MACROD2: variants seen among roughly 807,000 people sequenced by gnomAD.
MACROD2 encodes the protein mono-ADP ribosylhydrolase 2.
In MACROD2, 36 loss-of-function variants were observed where a neutral mutation model predicts 70.4. That is an observed-to-expected ratio of 0.51 (90% CI 0.39 to 0.68). The LOEUF (loss-of-function observed/expected upper bound fraction) is 0.68, where lower values mean the gene tolerates loss of function less well. Among genes scored for constraint, MACROD2 ranks in the 30% least tolerant of loss-of-function variants. The pLI is 0.00. For synonymous variants in MACROD2, 172 were observed against 178.8 expected (o/e 0.96, Z 0.30); for missense variants, 496 against 538.4 (o/e 0.92, Z 0.78).
chr20:15,307,251 C>G (rs1023632803), intron 6 of MACROD2, among the ~76,000 whole-genome samples: 1 of 152,020 alleles, frequency 6.6e-6, no homozygotes, highest in Non-Finnish European at 1.5e-5. Flanking sequence ...GTAGGGAAAG[C>G]TTTGGACTCT....
At chr20:14,066,022 T>A (rs946091877) in intron 2 of MACROD2, among the ~76,000 whole-genome samples, 2 of 152,350 alleles carry the variant, frequency 1.3e-5, no homozygotes, top group South Asian at 4.1e-4. Context: ...CAAAGGTCTT[T>A]TGCAAAAGTT....
chr20:15,600,647 T>A (rs1236153370), intron 8 of MACROD2, among the ~76,000 whole-genome samples: 1 of 152,170 alleles, frequency 6.6e-6, no homozygotes, highest in Non-Finnish European at 1.5e-5. Context: ...GCAAAAAGCC[T>A]GGGGAGGAAG....
intron 5 of MACROD2, among the ~76,000 whole-genome samples, chr20:14,791,311 G>GT (rs1397795598): frequency 2.6e-5 from 4 of 152,090 alleles, no homozygotes; most frequent in Non-Finnish European, 5.9e-5. Context: ...AACGATCCCT[G>GT]TGTCTGCAGA....
chr20:14,082,554 C>G (rs1166857174), intron 2 of MACROD2, among the ~76,000 whole-genome samples: 2 of 152,032 alleles, frequency 1.3e-5, no homozygotes, highest in Non-Finnish European at 2.9e-5. Context: ...CTTATTGTCT[C>G]ATATGTTTAA....
chr20:14,814,548 G>A (rs2072751844), intron 5 of MACROD2, among the ~76,000 whole-genome samples: 1 of 152,032 alleles, frequency 6.6e-6, no homozygotes. Flanking sequence ...TTTGTAATAA[G>A]AGATGTAAAT....
rs11473589 is a variant in MACROD2, at chr20:15,006,141, ATGTGTGTG to A, written c.419-223765_419-223758del. 2.0e-3 allele frequency among the ~76,000 whole-genome samples: 271 copies of A among 134,358 alleles called. 2 individuals carry two copies. The highest frequency in any genetic ancestry group is 1.9e-3 in the Admixed American group (25 of 13,078). The allele number at this position is 134,358 out of a possible 152,430, so 88.1% of individuals were successfully genotyped here. A position where few individuals can be genotyped will look rare whatever the true frequency, so the allele number is the denominator to read the frequency against. On this transcript the variant is annotated intron_variant, in intron 5 of 17. Transcript: ENST00000684519. Reference sequence around the variant, plus strand: ...CAAAGAATGCATTTTATATATATATATGTGTGTGTGTGTGTGTGTGTGTGTGTGTGTGT... The same window carrying A: ...CAAAGAATGCATTTTATATATATATATGTGTGTGTGTGTGTGTGTGTGTGT...
At chr20:14,540,767 G>A (rs2085422621) in intron 4 of MACROD2, among the ~76,000 whole-genome samples, 1 of 152,188 alleles carries the variant, frequency 6.6e-6, no homozygotes, top group African/African-American at 2.4e-5. Context: ...CCTGCTATCA[G>A]CACCCTTAGA....
intron 5 of MACROD2, among the ~76,000 whole-genome samples, chr20:14,985,438 C>T (rs2074839758): frequency 6.6e-6 from 1 of 152,138 alleles, no homozygotes; most frequent in Non-Finnish European, 1.5e-5. Context: ...TCTCTTCTGT[C>T]CATTGGCCTC....
chr20:15,426,624 T>G (rs2046301934), intron 6 of MACROD2, among the ~76,000 whole-genome samples: 1 of 151,994 alleles, frequency 6.6e-6, no homozygotes, highest in African/African-American at 2.4e-5. Context: ...TTTTTGTTTT[T>G]TGTTTTTGTC....
In MACROD2 at chr20:15,769,186, C is replaced by T. The variant is rs146143680; in HGVS notation, c.646-93559C>T. ...TTTTTGAGACGGAGTCTCACTCTCT[C>T]ACCCAGGCTGGAGTGCAGTGGTGCA... On this transcript the variant is annotated intron_variant, in intron 8 of 17. Coordinates refer to ENST00000684519, the MANE Select transcript of MACROD2 (RefSeq NM_001351661.2). Among the ~76,000 whole-genome samples, 7 of 152,326 alleles carry T rather than the reference C, an allele frequency of 4.6e-5. No individual in the cohort carries two copies. In the East Asian group the frequency reaches 1.2e-3, roughly 25 times the overall value.
chr20:15,768,865 A>T (rs1173382643), intron 8 of MACROD2, among the ~76,000 whole-genome samples: 1 of 152,150 alleles, frequency 6.6e-6, no homozygotes, highest in Non-Finnish European at 1.5e-5. Context: ...TAAAACAAAA[A>T]TACACACGTT....
intron 5 of MACROD2, among the ~76,000 whole-genome samples, chr20:15,135,781 G>T (rs2076142568): frequency 8.0e-6 from 1 of 124,648 alleles, no homozygotes; most frequent in Non-Finnish European, 1.7e-5. Flanking sequence ...AATTGTCCCT[G>T]TTTGCAGATG....
intron 3 of MACROD2, among the ~76,000 whole-genome samples, chr20:14,267,957 G>A (rs960791388): frequency 8.1e-5 from 11 of 135,430 alleles, no homozygotes; most frequent in Admixed American, 3.0e-4. Context: ...TGGTAAAAGA[G>A]CTACCCACAA....
At chr20:15,677,207 T>A (rs1483992679) in intron 8 of MACROD2, among the ~76,000 whole-genome samples, 1 of 152,228 alleles carries the variant, frequency 6.6e-6, no homozygotes, top group Non-Finnish European at 1.5e-5. Context: ...ACTATTGTAG[T>A]AATCTCTTTG....
intron 6 of MACROD2, among the ~76,000 whole-genome samples, chr20:15,305,604 G>A (rs2077689996): frequency 6.6e-6 from 1 of 152,038 alleles, no homozygotes; most frequent in Non-Finnish European, 1.5e-5. Flanking sequence ...GACAATTCCT[G>A]TGATACCATT....
intron 3 of MACROD2, among the ~76,000 whole-genome samples, chr20:14,328,094 C>G (rs1045875079): frequency 1.3e-5 from 2 of 152,066 alleles, no homozygotes; most frequent in African/African-American, 4.8e-5. Flanking sequence ...AATAGTTACA[C>G]ACATCTTGAG....
intron 4 of MACROD2, among the ~76,000 whole-genome samples, chr20:14,504,699 T>C (rs2084950318): frequency 6.6e-6 from 1 of 152,210 alleles, no homozygotes; most frequent in South Asian, 2.1e-4. Flanking sequence ...TTGTCTCTCC[T>C]TCTTTCTCAG....
intron 6 of MACROD2, among the ~76,000 whole-genome samples, chr20:15,357,209 A>G (rs1311386939): frequency 6.6e-6 from 1 of 152,230 alleles, no homozygotes; most frequent in East Asian, 1.9e-4. Context: ...AATAACAGCT[A>G]ACATAAAATA....
chr20:14,494,910 A>G (rs1477517805), intron 4 of MACROD2, among the ~76,000 whole-genome samples: 3 of 152,142 alleles, frequency 2.0e-5, no homozygotes. Context: ...TAAATTGTCC[A>G]TAGTGCTGAT....
Sources: gnomAD v4.1 joint callset for allele counts (sites outside exome capture counted in the v4.1 genomes callset) on GRCh38, gnomAD v4.1.1 for gene constraint, MANE v1.5 for transcripts, NCBI Gene and HGNC (gene_info 2026-07-23, HGNC 2026-07-21) for gene names.